Variants in C5orf15 observed in about 807,000 individuals in gnomAD.
C5orf15 encodes chromosome 5 open reading frame 15, also known as keratinocyte-associated transmembrane protein 2.
Under a neutral mutation model 17.8 loss-of-function variants are expected in C5orf15, and 10 were observed. The ratio of observed to expected loss-of-function variants is 0.56; its 90% CI spans 0.35 to 0.95. The LOEUF is 0.95. Ranked by LOEUF, C5orf15 falls within the 40% of genes least tolerant of loss-of-function variation. The probability of loss-of-function intolerance (pLI) is 0.02; values close to 1 mark genes in which losing one functional copy is unlikely to be tolerated. For synonymous variants in C5orf15, 124 were observed against 131.0 expected (o/e 0.95, Z 0.36); for missense variants, 319 against 331.7 (o/e 0.96, Z 0.30).
At chr5:133,959,272 T>C (rs1752082793) in intron 2 of C5orf15, among the ~76,000 whole-genome samples, 1 of 151,936 alleles carries the variant, frequency 6.6e-6, no homozygotes, top group South Asian at 2.1e-4. Context: ...TGTGAATCTG[T>C]AGTCCCACCA....
chr5:133,957,017 C>A, intron 2 of C5orf15, 27 bp from the exon 3 acceptor site: 1 of 1,565,046 alleles, frequency 6.4e-7, no homozygotes, highest in Non-Finnish European at 8.7e-7. Flanking sequence ...ATTAAATAGG[C>A]AAAAGAGAAA....
At chr5:133,965,952 C>T (rs995289736) in intron 1 of C5orf15, among the ~76,000 whole-genome samples, 8 of 152,196 alleles carry the variant, frequency 5.3e-5, no homozygotes, top group African/African-American at 1.9e-4. Context: ...AGGCTGGGCA[C>T]AGTGGCTCAG....
At chr5:133,965,651 C>T (rs969696973) in intron 1 of C5orf15, among the ~76,000 whole-genome samples, 1 of 152,222 alleles carries the variant, frequency 6.6e-6, no homozygotes, top group African/African-American at 2.4e-5. Context: ...TTAGGCCGGA[C>T]ACGGTGGCTC....
rs1376665731 is a variant in C5orf15 at position 133,962,550 on chromosome 5, T to C, written c.140-2530A>G. Reference sequence around the variant, plus strand: ...CCAACTCCAAAGTCATGCCCCCTAATTCTTAATGATCTTTAGCTCCTGGCT... The same window carrying C: ...CCAACTCCAAAGTCATGCCCCCTAACTCTTAATGATCTTTAGCTCCTGGCT... On this transcript the variant is annotated intron_variant, in intron 1 of 2. Coordinates refer to ENST00000231512, the MANE Select transcript of C5orf15 (RefSeq NM_020199.3). Among the ~76,000 whole-genome samples, 5 of 152,208 alleles carry C rather than the reference T, an allele frequency of 3.3e-5. No individual in the cohort carries two copies. The East Asian group carries it at 9.6e-4, about 29-fold the overall frequency.
intron 2 of C5orf15, among the ~76,000 whole-genome samples, chr5:133,958,111 C>T (rs566951502): frequency 6.6e-6 from 1 of 151,950 alleles, no homozygotes; most frequent in East Asian, 1.9e-4. Context: ...TAGCCAGGCA[C>T]AGTGGCTCAC....
intron 1 of C5orf15, among the ~76,000 whole-genome samples, chr5:133,961,372 G>A (rs569267778): frequency 1.3e-5 from 2 of 150,242 alleles, no homozygotes; most frequent in Admixed American, 1.3e-4. Flanking sequence ...GATGAAACCC[G>A]GTCTCTACTA....
chr5:133,968,548 C>G lies in C5orf15; in HGVS notation c.37G>C (p.Ala13Pro). 6.2e-7 allele frequency: 1 copy of G among 1,609,664 alleles called. No homozygotes were observed. Among genetic ancestry groups the G allele is most frequent in the Non-Finnish European group, 8.5e-7 (1 of 1,178,570 alleles). Reference sequence around the variant, plus strand: ...GACCCGGGCAGCAGTTTCGCTTGTGCTGGCCCCCTCATCCTCTTCGGGACG... The same window carrying G: ...GACCCGGGCAGCAGTTTCGCTTGTGGTGGCCCCCTCATCCTCTTCGGGACG... ...AAVPKRMRGPAQAKLLPGSAI... is the reference protein window; with the variant it reads ...AAVPKRMRGPPQAKLLPGSAI... Residue 13 changes from alanine to proline, a missense_variant, in exon 1 of 3, where the codon GCA (alanine) becomes CCA (proline). Physicochemically the swap from Ala to Pro is conservative, Grantham distance 27 (BLOSUM62 -1). Transcript: ENST00000231512.
At position 133,955,545 on chromosome 5, in the gene C5orf15, T is replaced by C. The variant is rs1454391982; in HGVS notation, c.*1314A>G. 2 of 152,674 alleles carry C rather than the reference T, an allele frequency of 1.3e-5. No individual in the cohort carries two copies. Among genetic ancestry groups the C allele is most frequent in the African/African-American group, 4.8e-5 (2 of 41,474 alleles). 9.5% of individuals were successfully genotyped at this position (152,674 alleles called of 1,614,324 possible). On this transcript the variant is annotated 3_prime_UTR_variant, in exon 3 of 3. Transcript: ENST00000231512. ...TCTTTGCCATTTATTTTTTAAAATC[T>C]TATTCAAAATATTAAATAATAGTTT...
intron 1 of C5orf15, among the ~76,000 whole-genome samples, chr5:133,966,128 G>A (rs1752188479): frequency 6.6e-6 from 1 of 151,828 alleles, no homozygotes; most frequent in African/African-American, 2.4e-5. Context: ...GGCTGAGGCA[G>A]AAGAATCACT....
intron 1 of C5orf15, 57 bp downstream of exon 1, chr5:133,968,389 T>A: frequency 1.9e-6 from 3 of 1,573,750 alleles, no homozygotes; most frequent in South Asian, 2.3e-5. Flanking sequence ...GCCTGTCTCC[T>A]GCCCTGCGCC....
At chr5:133,963,725 T>A (rs1752153252) in intron 1 of C5orf15, among the ~76,000 whole-genome samples, 1 of 152,224 alleles carries the variant, frequency 6.6e-6, no homozygotes, top group Non-Finnish European at 1.5e-5. Context: ...CAGACTCAAC[T>A]ACATGATGTC....
intron 1 of C5orf15, among the ~76,000 whole-genome samples, chr5:133,961,232 T>TAAAAAAAAA (rs56684565): frequency 3.3e-5 from 1 of 30,436 alleles, no homozygotes; most frequent in African/African-American, 1.5e-4. Context: ...AGTCAGTTAG[T>TAAAAAAAAA]AAAAAAAAAA....
At chr5:133,957,941 T>C (rs947190187) in intron 2 of C5orf15, among the ~76,000 whole-genome samples, 2 of 152,262 alleles carry the variant, frequency 1.3e-5, no homozygotes, top group Non-Finnish European at 2.9e-5. Context: ...TTTGGGACTG[T>C]AGAGTGCCAA....
chr5:133,968,161 A>T lies in C5orf15; in HGVS notation c.139+285T>A, dbSNP rs183717976. Among the ~76,000 whole-genome samples the T allele has an allele frequency of 3.3e-3, 489 of 150,426 alleles. 1 individual carries two copies. Among genetic ancestry groups the T allele is most frequent in the African/African-American group, 0.011 (468 of 40,854 alleles). On this transcript the variant is annotated intron_variant, in intron 1 of 2. Transcript: ENST00000231512. ...CATTCTTCAACGATCTCTAGGCGCT[A>T]ACACCACTCCTCCCTCCCCGCCCAT...
At position 133,956,915 on chromosome 5, in the gene C5orf15, G is replaced by C. The variant is rs1752049782; in HGVS notation, c.742C>G (p.Gln248Glu). ...GAAGGCATTGCCTCATTAACATTCT[G>C]ATCTAGGCGATGGTATTCCACTGTT... ...SKTVEYHRLDQNVNEAMPSLK... is the reference protein window; with the variant it reads ...SKTVEYHRLDENVNEAMPSLK... The change falls in exon 3 of 3, where the codon CAG (glutamine) becomes GAG (glutamate). Residue 248 changes from glutamine (Q) to glutamate (E), a missense_variant. Gln to Glu is a conservative substitution (Grantham distance 29). Around this residue, in one of 3 missense-constraint regions of C5orf15, gnomAD observed 175 missense variants for 192.4 expected, o/e 0.91. Coordinates refer to ENST00000231512, the MANE Select transcript of C5orf15 (RefSeq NM_020199.3). 1.9e-6 allele frequency: 3 copies of C among 1,610,314 alleles called. No individual in the cohort carries two copies. Among genetic ancestry groups the C allele is most frequent in the Non-Finnish European group, 2.5e-6 (3 of 1,179,028 alleles).
At chr5:133,957,789 C>T (rs1267276335) in intron 2 of C5orf15, among the ~76,000 whole-genome samples, 2 of 152,348 alleles carry the variant, frequency 1.3e-5, no homozygotes, top group African/African-American at 4.8e-5. Context: ...GAAATCAAGG[C>T]CCCGAAGGGG....
At chr5:133,962,175 A>C (rs1338414771) in intron 1 of C5orf15, among the ~76,000 whole-genome samples, 1 of 152,200 alleles carries the variant, frequency 6.6e-6, no homozygotes, top group Non-Finnish European at 1.5e-5. Context: ...TTAAAAGAAC[A>C]ATTTTTCCAT....
chr5:133,957,235 T>C (rs1752053826), intron 2 of C5orf15, among the ~76,000 whole-genome samples: 1 of 151,836 alleles, frequency 6.6e-6, no homozygotes, highest in East Asian at 1.9e-4. Flanking sequence ...ATGGAGGCGC[T>C]TGCCTGTAGT....
chr5:133,968,037 C>T (rs1033337195), intron 1 of C5orf15, among the ~76,000 whole-genome samples: 5 of 152,080 alleles, frequency 3.3e-5, no homozygotes, highest in African/African-American at 1.2e-4. Context: ...GCCCCGGCCA[C>T]CTCCTCAGCC....
Sources: allele counts gnomAD v4.1 joint callset (sites outside exome capture counted in the v4.1 genomes callset), GRCh38; gene constraint gnomAD v4.1.1; regional missense constraint gnomAD v4.1.1; transcripts MANE v1.5; gene names NCBI Gene and HGNC (gene_info 2026-07-23, HGNC 2026-07-21).